MAP7D2: variants seen among roughly 807,000 people sequenced by gnomAD.
The protein encoded by MAP7D2 is MAP7 domain containing 2, also known as MAP7 domain-containing protein 2.
Under a neutral mutation model 63.5 loss-of-function variants are expected in MAP7D2, and 33 were observed. The ratio of observed to expected loss-of-function variants is 0.52; its 90% CI spans 0.39 to 0.70. The LOEUF (loss-of-function observed/expected upper bound fraction) is 0.70, where lower values mean the gene tolerates loss of function less well. Ranked by LOEUF, MAP7D2 falls within the 30% of genes least tolerant of loss-of-function variation. MAP7D2 has a pLI of 0.00. For missense variants in MAP7D2, 626 were observed against 604.0 expected (o/e 1.04, Z -0.38); for synonymous variants, 224 against 223.7 (o/e 1.00, Z -0.01).
chrX:20,061,524 G>A (rs1023941730), intron 3 of MAP7D2, among the ~76,000 whole-genome samples: 1 of 112,487 alleles, frequency 8.9e-6, no homozygotes, highest in African/African-American at 3.2e-5. Context: ...CCAGGGAGAA[G>A]AGGGAACCAA....
intron 1 of MAP7D2, among the ~76,000 whole-genome samples, chrX:20,072,889 G>C (rs754531747): frequency 8.9e-5 from 10 of 112,301 alleles, no homozygotes; most frequent in African/African-American, 1.3e-4. Context: ...ATGGGTTCAA[G>C]ATTTCTTTTG....
chrX:20,012,073 T>A (rs112701274), intron 15 of MAP7D2, among the ~76,000 whole-genome samples: 27,023 of 110,805 alleles, frequency 0.24, 2,655 homozygotes, highest in African/African-American at 0.33. Context: ...TGAGAAGGCA[T>A]CCTTGCTTAG....
chrX:20,077,495 G>A (rs1465576190), intron 1 of MAP7D2, among the ~76,000 whole-genome samples: 1 of 111,817 alleles, frequency 8.9e-6, no homozygotes, highest in Non-Finnish European at 1.9e-5. Flanking sequence ...GGAAAGTTCC[G>A]CAGGACCTGC....
chrX:20,050,801 G>T, intron 6 of MAP7D2, 23 bp downstream of exon 6: 3 of 1,160,750 alleles, frequency 2.6e-6, no homozygotes, highest in Non-Finnish European at 3.4e-6. Flanking sequence ...TTTCCTTGGT[G>T]TTACCAGCTT....
rs190252238 is a variant in MAP7D2 at position 20,025,566 on chromosome X, G to A, written c.1279+115C>T. 3,814 of 910,356 alleles carry A rather than the reference G, an allele frequency of 4.2e-3. 4 individuals are homozygous for A. The highest frequency in any genetic ancestry group is 5.1e-3 in the Non-Finnish European group (3,311 of 651,724). The allele number at this position is 910,356 out of a possible 1,213,427, so 75.0% of individuals were successfully genotyped here. A position where few individuals can be genotyped will look rare whatever the true frequency, so the allele number is the denominator to read the frequency against. On this transcript the variant is annotated intron_variant, in intron 9 of 16. Coordinates refer to ENST00000379643, the MANE Select transcript of MAP7D2 (RefSeq NM_001168465.2). Reference sequence around the variant, plus strand: ...ACCCAAGAAAGCTGCACGAGGGGATGCACTTGTCCCCAGAGAAAAATCCCT... The same window carrying A: ...ACCCAAGAAAGCTGCACGAGGGGATACACTTGTCCCCAGAGAAAAATCCCT...
chrX:20,101,304 T>C (rs1352075258), intron 1 of MAP7D2, among the ~76,000 whole-genome samples: 3 of 112,528 alleles, frequency 2.7e-5, no homozygotes, highest in Non-Finnish European at 3.8e-5. Flanking sequence ...ACCTGTGTTT[T>C]GATTTACCAT....
intron 8 of MAP7D2, among the ~76,000 whole-genome samples, chrX:20,027,578 C>T (rs990709478): frequency 9.0e-6 from 1 of 110,625 alleles, no homozygotes; most frequent in African/African-American, 3.3e-5. Context: ...CCGCTCCCCA[C>T]GCAGGTTATG....
intron 8 of MAP7D2, among the ~76,000 whole-genome samples, chrX:20,032,686 C>T (rs2074090595): frequency 8.9e-6 from 1 of 112,318 alleles, no homozygotes; most frequent in East Asian, 2.8e-4. Flanking sequence ...ATCTTTGGCA[C>T]ACTGAATTTT....
chrX:20,051,018 C>T (rs769455806), intron 5 of MAP7D2, 72 bp from the exon 6 acceptor site: 63 of 890,491 alleles, frequency 7.1e-5, no homozygotes, highest in Non-Finnish European at 9.3e-5. Flanking sequence ...ATTTAAACAA[C>T]ACAATGCATG....
intron 1 of MAP7D2, among the ~76,000 whole-genome samples, chrX:20,110,044 A>G (rs186942540): frequency 2.2e-3 from 248 of 110,473 alleles, no homozygotes; most frequent in African/African-American, 8.0e-3. Flanking sequence ...TTAAAAAAAA[A>G]GAAAAGATTC....
In MAP7D2 at chrX:20,053,643, G is replaced by C. The variant is rs766954239; in HGVS notation, c.485-655C>G. ...TTACGTTCCAGTCATTATTTCAGAC[G>C]GCAAACAAAGAGATGCTGACAGTGC... On this transcript the variant is annotated intron_variant, in intron 4 of 16. Coordinates refer to ENST00000379643, the MANE Select transcript of MAP7D2 (RefSeq NM_001168465.2). 3.6e-5 allele frequency among the ~76,000 whole-genome samples: 4 copies of C among 111,399 alleles called. No homozygotes were observed. In the East Asian group the frequency reaches 1.1e-3, roughly 31 times the overall value.
chrX:20,020,637 T>A (rs2073603035), intron 10 of MAP7D2, among the ~76,000 whole-genome samples: 1 of 111,385 alleles, frequency 9.0e-6, no homozygotes, highest in Non-Finnish European at 1.9e-5. Flanking sequence ...CAGCTGCTGC[T>A]ACATCCTGCT....
chrX:20,074,288 A>G (rs1208344441), intron 1 of MAP7D2, among the ~76,000 whole-genome samples: 2 of 110,809 alleles, frequency 1.8e-5, no homozygotes, highest in East Asian at 5.7e-4. Flanking sequence ...GGGAGAGAGG[A>G]GGTGGGGTCA....
intron 1 of MAP7D2, among the ~76,000 whole-genome samples, chrX:20,098,901 G>A (rs2066348564): frequency 8.9e-6 from 1 of 112,429 alleles, no homozygotes; most frequent in Non-Finnish European, 1.9e-5. Context: ...ATAAACACAC[G>A]GCCACAGTTT....
intron 8 of MAP7D2, among the ~76,000 whole-genome samples, chrX:20,040,020 A>G (rs1044532281): frequency 8.6e-4 from 92 of 106,579 alleles, no homozygotes; most frequent in African/African-American, 3.1e-3. Context: ...AAAAAAAAAA[A>G]GCAGGTGGAA....
Position 20,013,599 on chromosome X carries a change from TG to T in MAP7D2, c.1775del (p.Thr592LysfsTer10). 8.3e-7 allele frequency: 1 copy of T among 1,197,728 alleles called. No individual in the cohort carries two copies. The highest frequency in any genetic ancestry group is 1.1e-6 in the Non-Finnish European group (1 of 886,935). On this transcript the variant is annotated frameshift_variant, in exon 13 of 17. Transcript: ENST00000379643. LOFTEE classifies it high-confidence loss of function. The part of the protein sequence containing the change: ...KKRIDEIMKR[T>X]RKSDVSPQVK... The stretch of plus-strand genomic sequence containing the variant: ...CTTGTGGAGACACATCACTTTTCCT[TG>T]TTCTCTTCATGATTTCATCTATTCT...
At chrX:20,103,408 C>T (rs747090069) in intron 1 of MAP7D2, among the ~76,000 whole-genome samples, 25 of 111,158 alleles carry the variant, frequency 2.2e-4, no homozygotes, top group Admixed American at 2.2e-3. Flanking sequence ...TCTACCAGTT[C>T]GATCACTGTC....
chrX:20,099,546 A>AG (rs948513966), intron 1 of MAP7D2, among the ~76,000 whole-genome samples: 15 of 111,896 alleles, frequency 1.3e-4, no homozygotes, highest in African/African-American at 4.9e-4. Context: ...TCCTGTGTCC[A>AG]GGGGCATTGG....
At chrX:20,026,089 A>G (rs749060176) in intron 8 of MAP7D2, 137 bp from the exon 9 acceptor site, 10 of 679,203 alleles carry the variant, frequency 1.5e-5, no homozygotes, top group Non-Finnish European at 2.2e-5. Flanking sequence ...GCACACACTC[A>G]AAAGTCACTA....
Sources: gnomAD v4.1 joint callset for allele counts (sites outside exome capture counted in the v4.1 genomes callset) on GRCh38, gnomAD v4.1.1 for gene constraint, MANE v1.5 for transcripts, NCBI Gene and HGNC (gene_info 2026-07-23, HGNC 2026-07-21) for gene names.